The following ASH1L variants were observed in gnomAD, a reference collection of about 807,000 sequenced individuals.
The protein encoded by ASH1L is histone-lysine N-methyltransferase ASH1L.
A neutral mutation model predicts 269.0 loss-of-function variants in ASH1L; 23 were observed. That is an observed-to-expected ratio of 0.09 (90% CI 0.06 to 0.12). The LOEUF is 0.12. Among genes scored for constraint, ASH1L ranks in the 10% least tolerant of loss-of-function variants. The pLI is 1.00. For missense variants in ASH1L, 2,912 were observed against 3,567.8 expected, an observed-to-expected ratio of 0.82 and a Z score of 4.68; for synonymous variants, 1,187 against 1,253.5, an observed-to-expected ratio of 0.95 and a Z score of 1.12.
intron 2 of ASH1L, among the ~76,000 whole-genome samples, chr1:155,501,660 T>G (rs1322209488): frequency 6.6e-6 from 1 of 152,156 alleles, no homozygotes; most frequent in Non-Finnish European, 1.5e-5. Context: ...ATCTACAGAT[T>G]GTTTTATTCA....
chr1:155,407,345 T>A (rs529656981), intron 6 of ASH1L, among the ~76,000 whole-genome samples: 2 of 152,306 alleles, frequency 1.3e-5, no homozygotes, highest in Admixed American at 6.5e-5. Flanking sequence ...TACAAAAGGA[T>A]ACAATTCCCA....
intron 10 of ASH1L, among the ~76,000 whole-genome samples, chr1:155,374,252 G>C (rs1330801339): frequency 1.3e-5 from 2 of 152,060 alleles, no homozygotes; most frequent in East Asian, 3.9e-4. Context: ...TTGAACCTGG[G>C]AGGCAGAGGC....
At chr1:155,488,301 T>C (rs541726231) in intron 2 of ASH1L, among the ~76,000 whole-genome samples, 2 of 151,966 alleles carry the variant, frequency 1.3e-5, no homozygotes, top group Non-Finnish European at 2.9e-5. Flanking sequence ...GATAATTTGA[T>C]GTTGGTTTCA....
At position 155,336,646 on chromosome 1, in the gene ASH1L, T is replaced by C. The variant is rs1652340892; in HGVS notation, c.*1014A>G. The C allele has an allele frequency of 6.6e-6, 1 of 152,618 alleles. No individual in the cohort carries two copies. The highest frequency in any genetic ancestry group is 2.4e-5 in the African/African-American group (1 of 41,412). 9.5% of individuals were successfully genotyped at this position (152,618 alleles called of 1,614,324 possible). On this transcript the variant is annotated 3_prime_UTR_variant, in exon 28 of 28. Coordinates refer to ENST00000392403, the MANE Select transcript of ASH1L (RefSeq NM_018489.3). ...GATGGGCTAGGGGTGAAGAGAAATA[T>C]ACTGTCTCTTTAAGAAAGGGACATT...
At chr1:155,519,769 C>T (rs923700991) in intron 2 of ASH1L, among the ~76,000 whole-genome samples, 2 of 152,020 alleles carry the variant, frequency 1.3e-5, no homozygotes, top group Non-Finnish European at 2.9e-5. Context: ...AGCGATTCTC[C>T]TGCCTCAGCC....
intron 1 of ASH1L, among the ~76,000 whole-genome samples, chr1:155,541,352 G>C (rs1360775903): frequency 3.3e-5 from 5 of 151,754 alleles, no homozygotes; most frequent in Admixed American, 3.3e-4. Context: ...AAATTTTTCA[G>C]TTTCTATAAT....
intron 4 of ASH1L, among the ~76,000 whole-genome samples, chr1:155,457,763 C>T (rs1375614525): frequency 6.6e-6 from 1 of 152,194 alleles, no homozygotes; most frequent in Non-Finnish European, 1.5e-5. Flanking sequence ...ATTCAATGAA[C>T]AGAATAGTCT....
intron 1 of ASH1L, among the ~76,000 whole-genome samples, chr1:155,549,602 G>A (rs536046797): frequency 2.7e-5 from 4 of 148,994 alleles, no homozygotes; most frequent in African/African-American, 1.0e-4. Context: ...TCCAGCTTGG[G>A]TGACAGAGCA....
At chr1:155,556,693 G>C (rs1016139951) in intron 1 of ASH1L, among the ~76,000 whole-genome samples, 1 of 151,912 alleles carries the variant, frequency 6.6e-6, no homozygotes. Context: ...TGCCCACCTC[G>C]GCCTCCCAAA....
At chr1:155,510,737 A>G (rs1668110322) in intron 2 of ASH1L, among the ~76,000 whole-genome samples, 1 of 152,150 alleles carries the variant, frequency 6.6e-6, no homozygotes, top group Non-Finnish European at 1.5e-5. Flanking sequence ...CTCCAAGCGA[A>G]GATGAACCTG....
intron 20 of ASH1L, 36 bp downstream of exon 20, chr1:155,347,620 C>T: frequency 1.9e-6 from 3 of 1,610,228 alleles, no homozygotes; most frequent in Non-Finnish European, 2.5e-6. Flanking sequence ...CCGTGTTCAT[C>T]AGGACCAAGC....
intron 1 of ASH1L, among the ~76,000 whole-genome samples, chr1:155,549,712 C>T (rs1025525649): frequency 6.6e-6 from 1 of 151,916 alleles, no homozygotes; most frequent in African/African-American, 2.4e-5. Flanking sequence ...AAGGGACTGG[C>T]ACATCCACAG....
At chr1:155,517,446 T>A (rs138899246) in intron 2 of ASH1L, among the ~76,000 whole-genome samples, 70 of 152,182 alleles carry the variant, frequency 4.6e-4, no homozygotes, top group African/African-American at 1.6e-3. Flanking sequence ...CTGGCCAACA[T>A]GGTGAAACCC....
intron 7 of ASH1L, among the ~76,000 whole-genome samples, chr1:155,392,360 G>A (rs1334788927): frequency 6.6e-6 from 1 of 152,088 alleles, no homozygotes; most frequent in East Asian, 1.9e-4. Context: ...TATACAAGCG[G>A]GAAATGCAAC....
intron 3 of ASH1L, among the ~76,000 whole-genome samples, chr1:155,465,860 T>G (rs991016899): frequency 1.3e-5 from 2 of 152,144 alleles, no homozygotes; most frequent in Non-Finnish European, 2.9e-5. Flanking sequence ...TCTGAATCCT[T>G]TGGTATGGTT....
chr1:155,433,801 G>A, intron 5 of ASH1L: 1 of 1,606,516 alleles, frequency 6.2e-7, no homozygotes, highest in Non-Finnish European at 8.5e-7. Flanking sequence ...TGCAGAAGTG[G>A]GTGGAGGAAG....
chr1:155,448,154 G>A (rs991984461), intron 4 of ASH1L, among the ~76,000 whole-genome samples: 2 of 152,172 alleles, frequency 1.3e-5, no homozygotes, highest in African/African-American at 4.8e-5. Flanking sequence ...TAAGTTCACT[G>A]TAGGTGTGTG....
intron 5 of ASH1L, among the ~76,000 whole-genome samples, chr1:155,433,002 C>T (rs2148599904): frequency 6.6e-6 from 1 of 152,344 alleles, no homozygotes; most frequent in Middle Eastern, 3.4e-3. Context: ...CCCTTCCTAA[C>T]ATAAATGGTC....
chr1:155,505,495 T>C (rs1333853354), intron 2 of ASH1L, among the ~76,000 whole-genome samples: 4 of 152,228 alleles, frequency 2.6e-5, no homozygotes, highest in African/African-American at 9.6e-5. Flanking sequence ...TTAAGTGATA[T>C]AAAACTGTAA....
Sources: allele counts gnomAD v4.1 joint callset (sites outside exome capture counted in the v4.1 genomes callset), GRCh38; gene constraint gnomAD v4.1.1; transcripts MANE v1.5; gene names NCBI Gene and HGNC (gene_info 2026-07-23, HGNC 2026-07-21).